Variants in CTNNA3 observed in about 807,000 individuals in gnomAD.
CTNNA3 encodes the protein catenin alpha 3, also known as catenin alpha-3.
Under a neutral mutation model 95.7 loss-of-function variants are expected in CTNNA3, and 76 were observed. The observed-to-expected ratio is 0.79, with a 90% confidence interval of 0.66 to 0.96. The LOEUF (loss-of-function observed/expected upper bound fraction) is 0.96. Ranked by LOEUF, CTNNA3 falls within the 40% of genes least tolerant of loss-of-function variation. CTNNA3 has a pLI of 0.00. For missense variants in CTNNA3, 1,191 were observed against 1,089.8 expected, an observed-to-expected ratio of 1.09 and a Z score of -1.31; for synonymous variants, 431 against 374.4, an observed-to-expected ratio of 1.15 and a Z score of -1.74.
chr10:66,138,078 C>T (rs949888699), intron 13 of CTNNA3, among the ~76,000 whole-genome samples: 3 of 151,392 alleles, frequency 2.0e-5, no homozygotes, highest in Admixed American at 2.0e-4. Context: ...CAAAATTACT[C>T]CAAAGAAAAA....
intron 9 of CTNNA3, among the ~76,000 whole-genome samples, chr10:66,683,061 T>C (rs1847124166): frequency 6.6e-6 from 1 of 152,144 alleles, no homozygotes; most frequent in Non-Finnish European, 1.5e-5. Context: ...TGAGCTTTCA[T>C]ATATCCACCC....
intron 15 of CTNNA3, among the ~76,000 whole-genome samples, chr10:66,062,465 A>G (rs1394933618): frequency 6.6e-6 from 1 of 152,112 alleles, no homozygotes; most frequent in Non-Finnish European, 1.5e-5. Flanking sequence ...CCTGCAATGA[A>G]AGAAATGTGA....
At chr10:66,540,803 T>C (rs1359948058) in intron 10 of CTNNA3, among the ~76,000 whole-genome samples, 1 of 152,122 alleles carries the variant, frequency 6.6e-6, no homozygotes. Context: ...TTCTAGTCCA[T>C]GAATTGATAA....
intron 12 of CTNNA3, among the ~76,000 whole-genome samples, chr10:66,309,921 A>G (rs1235221777): frequency 9.5e-6 from 1 of 105,520 alleles, no homozygotes; most frequent in African/African-American, 3.7e-5. Flanking sequence ...AAATAAATAA[A>G]TAAATAAATA....
chr10:66,073,763 G>T (rs369569898), intron 14 of CTNNA3, among the ~76,000 whole-genome samples: 7 of 151,928 alleles, frequency 4.6e-5, no homozygotes, highest in African/African-American at 1.7e-4. Context: ...GAATATGATG[G>T]AATTGTGCAA....
At position 66,413,547 on chromosome 10, in the gene CTNNA3, A is replaced by G. The variant is rs181927663; in HGVS notation, c.1532-34195T>C. 4.7e-3 allele frequency among the ~76,000 whole-genome samples: 714 copies of G among 152,322 alleles called. 2 individuals carry two copies. The highest frequency in any genetic ancestry group is 6.8e-3 in the South Asian group (33 of 4,824). ...CTCTTAATATTTTGTCACTTTTATA[A>G]AACAAAATATGGTAACATGGTATTA... is the stretch of plus-strand genomic sequence containing the variant. On this transcript the variant is annotated intron_variant, in intron 11 of 17. Coordinates refer to ENST00000433211, the MANE Select transcript of CTNNA3 (RefSeq NM_013266.4).
At chr10:65,962,323 T>C (rs1260001391) in intron 17 of CTNNA3, among the ~76,000 whole-genome samples, 1 of 152,130 alleles carries the variant, frequency 6.6e-6, no homozygotes, top group Admixed American at 6.5e-5. Context: ...CACCGTAACA[T>C]GGTCTTCCTT....
intron 3 of CTNNA3, among the ~76,000 whole-genome samples, chr10:67,547,699 G>C (rs1840887748): frequency 6.6e-6 from 1 of 152,154 alleles, no homozygotes; most frequent in South Asian, 2.1e-4. Flanking sequence ...AAAGTACAGA[G>C]TGAAACCCAA....
intron 13 of CTNNA3, among the ~76,000 whole-genome samples, chr10:66,278,816 C>T (rs1319883682): frequency 2.6e-5 from 4 of 152,026 alleles, no homozygotes; most frequent in African/African-American, 7.2e-5. Context: ...AAGACTATAT[C>T]CTGAAGTTCA....
At chr10:66,672,712 T>A (rs886240335) in intron 9 of CTNNA3, among the ~76,000 whole-genome samples, 1 of 152,074 alleles carries the variant, frequency 6.6e-6, no homozygotes, top group African/African-American at 2.4e-5. Flanking sequence ...CTCCATCACA[T>A]CTGCTTTTCT....
chr10:67,234,356 A>G (rs1024327822), intron 5 of CTNNA3, among the ~76,000 whole-genome samples: 2 of 152,242 alleles, frequency 1.3e-5, no homozygotes, highest in Non-Finnish European at 2.9e-5. Context: ...AAGCTGGTTC[A>G]ATATACGCAA....
chr10:66,945,106 C>A (rs1188969152), intron 7 of CTNNA3, among the ~76,000 whole-genome samples: 3 of 152,154 alleles, frequency 2.0e-5, no homozygotes, highest in African/African-American at 7.2e-5. Flanking sequence ...ACAAGAGACT[C>A]AGCTTGTCCT....
intron 7 of CTNNA3, among the ~76,000 whole-genome samples, chr10:67,076,974 C>T (rs534248898): frequency 5.3e-5 from 8 of 152,294 alleles, no homozygotes; most frequent in African/African-American, 1.9e-4. Flanking sequence ...CCACACTCAC[C>T]GCCAAAGCAA....
chr10:66,016,220 T>G (rs1484915773), intron 15 of CTNNA3, among the ~76,000 whole-genome samples: 1 of 152,196 alleles, frequency 6.6e-6, no homozygotes, highest in Non-Finnish European at 1.5e-5. Context: ...GAGACACACC[T>G]ATTTATGTAA....
chr10:67,557,537 T>C (rs2133246173), intron 3 of CTNNA3, among the ~76,000 whole-genome samples: 1 of 152,350 alleles, frequency 6.6e-6, no homozygotes, highest in East Asian at 1.9e-4. Flanking sequence ...TTTTTCATTA[T>C]AAATTTAAAA....
chr10:67,356,988 A>T (rs528892736), intron 5 of CTNNA3, among the ~76,000 whole-genome samples: 42 of 152,248 alleles, frequency 2.8e-4, no homozygotes, highest in African/African-American at 9.4e-4. Flanking sequence ...GCATTTCTGC[A>T]GTCAATTCAT....
At chr10:67,687,803 G>A (rs537453566) in intron 1 of CTNNA3, among the ~76,000 whole-genome samples, 7 of 152,138 alleles carry the variant, frequency 4.6e-5, no homozygotes, top group East Asian at 1.9e-4. Flanking sequence ...CCTGAGTTAC[G>A]GTGGACATCA....
At chr10:66,955,585 G>C (rs1436384327) in intron 7 of CTNNA3, among the ~76,000 whole-genome samples, 1 of 152,124 alleles carries the variant, frequency 6.6e-6, no homozygotes, top group African/African-American at 2.4e-5. Context: ...AGCTGGCACA[G>C]AGTAGACACT....
intron 15 of CTNNA3, among the ~76,000 whole-genome samples, chr10:66,030,942 A>G (rs1404144858): frequency 6.6e-6 from 1 of 151,904 alleles, no homozygotes; most frequent in Non-Finnish European, 1.5e-5. Context: ...CATATGAAAA[A>G]AATGCTCAAC....
Sources: allele counts gnomAD v4.1 joint callset (sites outside exome capture counted in the v4.1 genomes callset), GRCh38; gene constraint gnomAD v4.1.1; transcripts MANE v1.5; gene names NCBI Gene and HGNC (gene_info 2026-07-23, HGNC 2026-07-21).